Variants in DAB1 observed in about 807,000 individuals in gnomAD.
DAB1 encodes DAB adaptor protein 1.
A neutral mutation model predicts 64.6 loss-of-function variants in DAB1; 15 were observed. The ratio of observed to expected loss-of-function variants is 0.23; its 90% CI spans 0.16 to 0.36. The LOEUF (loss-of-function observed/expected upper bound fraction) is 0.36. Among genes scored for constraint, DAB1 ranks in the 10% least tolerant of loss-of-function variants. The pLI is 1.00. For missense variants in DAB1, 596 were observed against 706.7 expected (o/e 0.84, Z 1.78); for synonymous variants, 235 against 251.9 (o/e 0.93, Z 0.64).
At chr1:58,512,647 A>G in intron 2 of DAB1, among the ~76,000 whole-genome samples, 1 of 152,236 alleles carries the variant, frequency 6.6e-6, no homozygotes, top group Admixed American at 6.5e-5. Context: ...GCCAGTCACA[A>G]ATGGACAAAT....
intron 4 of DAB1, among the ~76,000 whole-genome samples, chr1:57,119,758 C>T (rs3768171): frequency 0.068 from 10,381 of 152,016 alleles, 457 homozygotes; most frequent in East Asian, 0.18. Flanking sequence ...TTGTCCATCC[C>T]CAACCATGTG....
Position 57,501,689 on chromosome 1 carries a change from A to C in DAB1, n.625+147903T>G, listed in dbSNP as rs531762853. ...TAAGGCTTCGTAAAAGCAGTTTGAAAATTTTTGTATAAAATTAGTTCTCAT... is the reference window on the plus strand; with the variant it reads ...TAAGGCTTCGTAAAAGCAGTTTGAACATTTTTGTATAAAATTAGTTCTCAT... On this transcript the variant is annotated intron_variant and non_coding_transcript_variant, in intron 7 of 20. Coordinates refer to the DAB1 transcript ENST00000485760. 5.3e-5 allele frequency among the ~76,000 whole-genome samples: 8 copies of C among 152,296 alleles called. No individual in the cohort carries two copies. The South Asian group carries it at 1.7e-3, about 32-fold the overall frequency.
At chr1:58,063,684 C>T (rs1648655842) in intron 5 of DAB1, among the ~76,000 whole-genome samples, 1 of 152,230 alleles carries the variant, frequency 6.6e-6, no homozygotes. Flanking sequence ...TGACAGCCCA[C>T]TATGTGGTCT....
intron 3 of DAB1, among the ~76,000 whole-genome samples, chr1:58,432,647 C>A (rs1557758616): frequency 6.6e-6 from 1 of 152,170 alleles, no homozygotes; most frequent in Admixed American, 6.5e-5. Flanking sequence ...CCTCCCCCTG[C>A]CCCAACCAAG....
At chr1:57,197,710 C>T (rs916423071) in intron 2 of DAB1, among the ~76,000 whole-genome samples, 8 of 152,180 alleles carry the variant, frequency 5.3e-5, no homozygotes, top group Non-Finnish European at 7.3e-5. Flanking sequence ...TCTTCTTCTC[C>T]TCACCCCAAG....
At chr1:57,607,508 G>A (rs1645671849) in intron 7 of DAB1, among the ~76,000 whole-genome samples, 1 of 152,072 alleles carries the variant, frequency 6.6e-6, no homozygotes, top group Non-Finnish European at 1.5e-5. Context: ...ATTTGATCTT[G>A]GAAACATACC....
chr1:58,202,215 T>A (rs1403340225), intron 4 of DAB1, among the ~76,000 whole-genome samples: 2 of 152,250 alleles, frequency 1.3e-5, no homozygotes, highest in Non-Finnish European at 2.9e-5. Context: ...GTCAGAGTTG[T>A]TACTTAATCA....
chr1:57,026,615 G>A (rs890264581), intron 9 of DAB1, among the ~76,000 whole-genome samples: 5 of 152,200 alleles, frequency 3.3e-5, no homozygotes, highest in African/African-American at 1.2e-4. Context: ...AGAGAATGCA[G>A]TCAAACAGCA....
At chr1:58,307,577 CA>C (rs1662335131) in intron 4 of DAB1, among the ~76,000 whole-genome samples, 1 of 152,084 alleles carries the variant, frequency 6.6e-6, no homozygotes, top group South Asian at 2.1e-4. Flanking sequence ...GGTGGCACGC[CA>C]GGAGCCTGGA....
intron 2 of DAB1, among the ~76,000 whole-genome samples, chr1:57,146,890 G>A (rs1309875526): frequency 6.6e-6 from 1 of 152,132 alleles, no homozygotes; most frequent in Non-Finnish European, 1.5e-5. Context: ...AACTGTCTGA[G>A]CCTCAGTTTT....
chr1:57,368,201 T>A (rs758248613), intron 1 of DAB1, among the ~76,000 whole-genome samples: 1 of 152,132 alleles, frequency 6.6e-6, no homozygotes, highest in Non-Finnish European at 1.5e-5. Context: ...GAAGCCGAAA[T>A]GGGGCTGAGA....
At chr1:58,357,224 G>GC (rs1644120547) in intron 3 of DAB1, among the ~76,000 whole-genome samples, 1 of 152,048 alleles carries the variant, frequency 6.6e-6, no homozygotes. Flanking sequence ...ATGATGAGTG[G>GC]CTTGGGCTAG....
chr1:58,400,694 T>C (rs531849110), intron 3 of DAB1, among the ~76,000 whole-genome samples: 8 of 152,152 alleles, frequency 5.3e-5, no homozygotes, highest in African/African-American at 1.9e-4. Flanking sequence ...GATCAGAACC[T>C]CAGAAGCAAT....
chr1:57,488,909 AG>A (rs1644127238), intron 7 of DAB1, among the ~76,000 whole-genome samples: 1 of 152,242 alleles, frequency 6.6e-6, no homozygotes, highest in African/African-American at 2.4e-5. Flanking sequence ...GGCATAAACT[AG>A]AAGCTTAATA....
At chr1:58,393,583 T>A (rs1644494449) in intron 3 of DAB1, among the ~76,000 whole-genome samples, 1 of 152,152 alleles carries the variant, frequency 6.6e-6, no homozygotes, top group Non-Finnish European at 1.5e-5. Context: ...TGCCACAGAC[T>A]AGGAGAAAAT....
chr1:58,382,605 G>C (rs760941105), intron 3 of DAB1, among the ~76,000 whole-genome samples: 2 of 152,142 alleles, frequency 1.3e-5, no homozygotes, highest in Non-Finnish European at 2.9e-5. Context: ...CTGTTGGGAA[G>C]ACAAAATAGA....
intron 5 of DAB1, among the ~76,000 whole-genome samples, chr1:58,035,172 G>C (rs1647026198): frequency 1.3e-5 from 2 of 152,170 alleles, no homozygotes; most frequent in South Asian, 4.1e-4. Flanking sequence ...GAGAGAGCAA[G>C]CCCAGCCAAC....
At chr1:57,047,203 A>G (rs558271481) in intron 9 of DAB1, among the ~76,000 whole-genome samples, 69 of 152,316 alleles carry the variant, frequency 4.5e-4, no homozygotes, top group African/African-American at 1.6e-3. Flanking sequence ...ACCTAATCCC[A>G]ACAATAGTTT....
At chr1:57,705,462 AT>A (rs2101736920) in intron 6 of DAB1, among the ~76,000 whole-genome samples, 2 of 152,192 alleles carry the variant, frequency 1.3e-5, no homozygotes, top group South Asian at 4.1e-4. Flanking sequence ...TCCTATTTAC[AT>A]TGCATTAAAA....
Sources: allele counts gnomAD v4.1 joint callset (sites outside exome capture counted in the v4.1 genomes callset), GRCh38; gene constraint gnomAD v4.1.1; transcripts MANE v1.5; gene names NCBI Gene and HGNC (gene_info 2026-07-23, HGNC 2026-07-21).